Variants in SMG5 observed in about 807,000 individuals in gnomAD.
The protein encoded by SMG5 is nonsense-mediated mRNA decay factor SMG5.
In SMG5, 53 loss-of-function variants were observed where a neutral mutation model predicts 122.9. The ratio of observed to expected loss-of-function variants is 0.43; its 90% confidence interval spans 0.35 to 0.54. The LOEUF is 0.54. Ranked by LOEUF, SMG5 falls within the 20% of genes least tolerant of loss-of-function variation. The pLI is 0.01. For synonymous variants in SMG5, 477 were observed against 490.2 expected, an observed-to-expected ratio of 0.97 and a Z score of 0.35; for missense variants, 1,153 against 1,285.6, an observed-to-expected ratio of 0.90 and a Z score of 1.58.
intron 7 of SMG5, 127 bp from the exon 8 acceptor site, chr1:156,268,542 G>A (rs1182276169): frequency 1.1e-5 from 13 of 1,230,136 alleles, no homozygotes; most frequent in African/African-American, 9.1e-5. Flanking sequence ...ATGTACATAC[G>A]CAGGGTAAAA....
intron 19 of SMG5, 51 bp from the exon 20 acceptor site, chr1:156,251,528 G>A: frequency 7.5e-6 from 12 of 1,590,214 alleles, no homozygotes; most frequent in Non-Finnish European, 1.0e-5. Flanking sequence ...CTGGCAGGGT[G>A]CCTTACACAA....
Position 156,249,666 on chromosome 1 carries a change from C to G in SMG5, c.*921G>C, listed in dbSNP as rs1661224864. On this transcript the variant is annotated 3_prime_UTR_variant, in exon 22 of 22. Transcript: ENST00000361813. ...GACTGAGCAGCTTCAAGGAGCCTCTCCTTTCTGCTGCCCACTGAATGCCGG... is the reference window on the plus strand; with the variant it reads ...GACTGAGCAGCTTCAAGGAGCCTCTGCTTTCTGCTGCCCACTGAATGCCGG... The G allele has an allele frequency of 2.2e-6, 1 of 453,510 alleles. No individual in the cohort carries two copies. Among genetic ancestry groups the G allele is most frequent in the Non-Finnish European group, 4.6e-6 (1 of 218,362 alleles). The allele number at this position is 453,510 out of a possible 1,614,324, so 28.1% of individuals were successfully genotyped here.
chr1:156,285,662 A>C (rs780116245), upstream of SMG5: 5 of 1,613,920 alleles, frequency 3.1e-6, no homozygotes, highest in Non-Finnish European at 4.2e-6. Flanking sequence ...AGAAGACCTT[A>C]TCGTGCGCTG....
At chr1:156,262,421 A>G (rs1473531284) in intron 13 of SMG5, among the ~76,000 whole-genome samples, 1 of 144,138 alleles carries the variant, frequency 6.9e-6, no homozygotes, top group Non-Finnish European at 1.5e-5. Flanking sequence ...ACTTGCAGTG[A>G]GCCGAAATCG....
At chr1:156,256,317 T>C (rs1356095402) in intron 16 of SMG5, among the ~76,000 whole-genome samples, 3 of 145,168 alleles carry the variant, frequency 2.1e-5, no homozygotes, top group African/African-American at 8.1e-5. Context: ...TCTCTTTTTT[T>C]TTTTTTTTTT....
chr1:156,279,151 A>C (rs912532445), intron 1 of SMG5, 117 bp from the exon 2 acceptor site: 3 of 832,522 alleles, frequency 3.6e-6, no homozygotes, highest in African/African-American at 1.7e-5. Flanking sequence ...AAAAAGGAGA[A>C]GGCTGCAGGC....
At chr1:156,281,216 GCACACAGGTAAGC>G in intron 1 of SMG5, among the ~76,000 whole-genome samples, 1 of 152,318 alleles carries the variant, frequency 6.6e-6, no homozygotes, top group Admixed American at 6.5e-5. Flanking sequence ...ATACCCATGT[GCACACAGGTAAGC>G]CACACAGGCA....
At chr1:156,273,651 G>A (rs1041377253) in intron 5 of SMG5, among the ~76,000 whole-genome samples, 5 of 151,808 alleles carry the variant, frequency 3.3e-5, no homozygotes, top group Non-Finnish European at 7.4e-5. Flanking sequence ...CTTCCTTGCT[G>A]GTAGGTTCAA....
intron 4 of SMG5, 53 bp downstream of exon 4, chr1:156,277,032 C>G: frequency 6.3e-7 from 1 of 1,582,120 alleles, no homozygotes; most frequent in Non-Finnish European, 8.6e-7. Context: ...GGGATAAGGC[C>G]AGAGGTAGAA....
chr1:156,271,668 G>C (rs189929169), intron 7 of SMG5, among the ~76,000 whole-genome samples: 37 of 103,538 alleles, frequency 3.6e-4, no homozygotes, highest in Middle Eastern at 4.7e-3. Context: ...CTGCCTCCTG[G>C]GTTCAAGTGA....
chr1:156,250,899 G>A lies in SMG5; in HGVS notation c.2926C>T (p.Leu976Phe). The change falls in exon 21 of 22, where the codon CTT becomes TTT. Residue 976 changes from leucine to phenylalanine, a missense_variant. By Grantham distance (22) the Leu-to-Phe change is conservative (BLOSUM62 0). This residue lies in a region of SMG5 where 84 missense variants were observed against 82.3 expected (regional missense o/e 1.02). Coordinates refer to ENST00000361813, the MANE Select transcript of SMG5 (RefSeq NM_015327.3). ...AGCACGCTGGGGTTGTCCAGTGGAA[G>A]GCCTGTGATGATGGTCACCATGCCA... ...PSGMVTIITG[L>F]PLDNPSVLSG... 6.2e-7 allele frequency: 1 copy of A among 1,613,990 alleles called. No individual in the cohort carries two copies.
chr1:156,274,487 A>G, intron 5 of SMG5, 110 bp downstream of exon 5: 1 of 983,586 alleles, frequency 1.0e-6, no homozygotes, highest in Non-Finnish European at 1.6e-6. Flanking sequence ...ATCAGAAGCC[A>G]AACTATCCCT....
intron 4 of SMG5, 54 bp downstream of exon 4, chr1:156,277,031 C>T (rs1438660815): frequency 2.5e-6 from 4 of 1,580,482 alleles, no homozygotes; most frequent in Non-Finnish European, 3.5e-6. Flanking sequence ...AGGGATAAGG[C>T]CAGAGGTAGA....
upstream of SMG5, chr1:156,286,316 G>A (rs370030305): frequency 1.2e-6 from 2 of 1,614,120 alleles, no homozygotes; most frequent in Non-Finnish European, 1.7e-6. Context: ...GCCCTTTGGG[G>A]AGCCACGGCG....
At chr1:156,279,878 C>T (rs1461720348) in intron 1 of SMG5, among the ~76,000 whole-genome samples, 7 of 152,224 alleles carry the variant, frequency 4.6e-5, no homozygotes, top group Admixed American at 1.3e-4. Flanking sequence ...GAAACCAGAC[C>T]GCCTGGATTC....
At chr1:156,257,894 C>T (rs1482766232) in intron 16 of SMG5, among the ~76,000 whole-genome samples, 1 of 152,196 alleles carries the variant, frequency 6.6e-6, no homozygotes, top group Non-Finnish European at 1.5e-5. Flanking sequence ...GTGCCAGACA[C>T]TAACACCCCA....
intron 16 of SMG5, among the ~76,000 whole-genome samples, chr1:156,255,558 A>G (rs1196435055): frequency 4.0e-5 from 6 of 150,286 alleles, no homozygotes; most frequent in Non-Finnish European, 8.9e-5. Flanking sequence ...TGAATAAATA[A>G]ATATACAAAA....
intron 5 of SMG5, among the ~76,000 whole-genome samples, chr1:156,273,698 T>G (rs1662543209): frequency 6.6e-6 from 1 of 150,950 alleles, no homozygotes; most frequent in Admixed American, 6.7e-5. Context: ...AAATAAGCTC[T>G]TCTTTTTTTG....
At position 156,263,516 on chromosome 1, in the gene SMG5, C is replaced by T. The variant is rs149605374; in HGVS notation, c.1910G>A (p.Arg637Gln). The T allele has an allele frequency of 1.4e-4, 225 of 1,614,228 alleles. 1 individual carries two copies. The East Asian group carries it at 4.4e-3, about 31-fold the overall frequency. Reference sequence around the variant, plus strand: ...CTTCTCCTGGATGCTGCGCTCATTCCGACAGGAGCGTCCACTGGACTCACT... The same window carrying T: ...CTTCTCCTGGATGCTGCGCTCATTCTGACAGGAGCGTCCACTGGACTCACT... Reference protein sequence around the residue: ...EGSESSGRSCRNERSIQEKLQ... With the variant: ...EGSESSGRSCQNERSIQEKLQ... Residue 637 changes from arginine to glutamine, a missense_variant, in exon 13 of 22, where the codon CGG becomes CAG. Physicochemically the swap from Arg to Gln is conservative, Grantham distance 43 (BLOSUM62 1). Around this residue, in one of 5 missense-constraint regions of SMG5, gnomAD observed 631 missense variants for 650.6 expected, o/e 0.97. Transcript: ENST00000361813.
Sources: gnomAD v4.1 joint callset for allele counts (sites outside exome capture counted in the v4.1 genomes callset) on GRCh38, gnomAD v4.1.1 for gene constraint, gnomAD v4.1.1 regional missense constraint, MANE v1.5 for transcripts, NCBI Gene and HGNC (gene_info 2026-07-23, HGNC 2026-07-21) for gene names.